The following KIF21B variants were observed in gnomAD, a reference collection of about 807,000 sequenced individuals.
KIF21B encodes kinesin-like protein KIF21B.
Under a neutral mutation model 192.9 loss-of-function variants are expected in KIF21B, and 85 were observed. The observed-to-expected ratio is 0.44, with a 90% confidence interval of 0.37 to 0.53. The LOEUF (loss-of-function observed/expected upper bound fraction) is 0.53. KIF21B is among the 20% of genes least tolerant of loss of function. The probability of loss-of-function intolerance (pLI) is 0.00; values close to 1 mark genes in which losing one functional copy is unlikely to be tolerated. For synonymous variants in KIF21B, 832 were observed against 884.6 expected (o/e 0.94, Z 1.05); for missense variants, 1,716 against 2,194.8 (o/e 0.78, Z 4.36).
Position 200,988,555 on chromosome 1 carries a change from G to C in KIF21B, c.3299-11C>G. 1 of 1,554,080 alleles carries C rather than the reference G, an allele frequency of 6.4e-7. No individual in the cohort carries two copies. Among genetic ancestry groups the C allele is most frequent in the Non-Finnish European group, 8.8e-7 (1 of 1,140,316 alleles). ...TGGCGTAGCCATTCTCTGTGGGAGG[G>C]CGGGAGGGAGGGAAAGGGGTTGAGA... On this transcript the variant is annotated splice_polypyrimidine_tract_variant and intron_variant, in intron 22 of 34. Coordinates refer to ENST00000461742, the MANE Select transcript of KIF21B (RefSeq NM_001252102.2).
chr1:201,021,622 C>A (rs1418114676), intron 1 of KIF21B, among the ~76,000 whole-genome samples: 1 of 152,202 alleles, frequency 6.6e-6, no homozygotes, highest in Non-Finnish European at 1.5e-5. Context: ...TGTGCCAATC[C>A]CATGAGGCTC....
Position 200,996,182 on chromosome 1 carries a change from C to A in KIF21B, c.2277+14G>T. On this transcript the variant is annotated intron_variant, in intron 15 of 34. Transcript: ENST00000461742. ...GGCACTCCAGGCCCCACTCCTCACACCCTCGGCCCCTACCTTGGCCTTCTT... is the reference window on the plus strand; with the variant it reads ...GGCACTCCAGGCCCCACTCCTCACAACCTCGGCCCCTACCTTGGCCTTCTT... 1.2e-6 allele frequency: 2 copies of A among 1,612,290 alleles called. No individual in the cohort carries two copies. Among genetic ancestry groups the A allele is most frequent in the Non-Finnish European group, 1.7e-6 (2 of 1,179,830 alleles).
In KIF21B at chr1:201,009,323, G is replaced by C; in HGVS notation, c.207C>G (p.Ser69Arg). 1 of 1,614,284 alleles carries C rather than the reference G, an allele frequency of 6.2e-7. No homozygotes were observed. The highest frequency in any genetic ancestry group is 8.5e-7 in the Non-Finnish European group (1 of 1,180,054). ...WQEQIYSTCV[S>R]KLIEGCFEGY... Reference sequence around the variant, plus strand: ...CCTCGAAGCAGCCCTCGATGAGCTTGCTCACACAGGTGGAATAGATCTGTT... The same window carrying C: ...CCTCGAAGCAGCCCTCGATGAGCTTCCTCACACAGGTGGAATAGATCTGTT... The change falls in exon 2 of 35, where the codon AGC becomes AGG. Residue 69 changes from serine (S) to arginine (R), a missense_variant. Ser to Arg is a moderately radical substitution (Grantham distance 110). Transcript: ENST00000461742.
chr1:201,000,702 A>AGCTC lies in KIF21B; in HGVS notation c.1466+11_1466+14dup. ...CCCCCAGCCCGCGCACACCTGCCGG[A>AGCTC]GCTCACTCACTCACCGTAGCTCCTC... is the stretch of plus-strand genomic sequence containing the variant. On this transcript the variant is annotated intron_variant, in intron 10 of 34. Transcript: ENST00000461742. This position sits in a 1 kb window ranked among gnomAD's most constrained non-coding sequence, Gnocchi z 6.0. 6.2e-7 allele frequency: 1 copy of AGCTC among 1,614,106 alleles called. No homozygotes were observed. The highest frequency in any genetic ancestry group is 8.5e-7 in the Non-Finnish European group (1 of 1,179,990).
chr1:200,978,403 C>T (rs1403975093), intron 30 of KIF21B, among the ~76,000 whole-genome samples: 1 of 151,202 alleles, frequency 6.6e-6, no homozygotes, highest in Non-Finnish European at 1.5e-5. Flanking sequence ...CAGTTTTAGG[C>T]TCACAAGAAA....
chr1:200,998,652 A>G lies in KIF21B; in HGVS notation c.1886-77T>C. ...GGGAGCAGATGTGCCAGTGCTGGGG[A>G]GCTGGGACCCTCCTTTGGTCAGCCA... is the stretch of plus-strand genomic sequence containing the variant. On this transcript the variant is annotated intron_variant, in intron 13 of 34. Coordinates refer to ENST00000461742, the MANE Select transcript of KIF21B (RefSeq NM_001252102.2). The surrounding 1 kb of genome is among the most constrained non-coding windows in gnomAD (Gnocchi z 4.3). The G allele has an allele frequency of 7.4e-7, 1 of 1,350,296 alleles. No homozygotes were observed. The highest frequency in any genetic ancestry group is 1.0e-6 in the Non-Finnish European group (1 of 965,490). The allele number at this position is 1,350,296 out of a possible 1,614,324, so 83.6% of individuals were successfully genotyped here.
chr1:201,002,189 C>G lies in KIF21B; in HGVS notation c.1374G>C (p.Gln458His). ...CCTTGGCTAGCAGCAGGTTGGCCTC[C>G]TGGCTCATGAGCTGGGTGACGCGGT... ...INNRVTQLMSQEANLLLAKAG... is the reference protein window; with the variant it reads ...INNRVTQLMSHEANLLLAKAG... Residue 458 changes from glutamine to histidine, a missense_variant, in exon 9 of 35, where the codon CAG (glutamine) becomes CAC (histidine). Physicochemically the swap from Gln to His is conservative, Grantham distance 24. Transcript: ENST00000461742. 6.2e-7 allele frequency: 1 copy of G among 1,614,190 alleles called. No homozygotes were observed. Among genetic ancestry groups the G allele is most frequent in the South Asian group, 1.1e-5 (1 of 91,086 alleles).
At chr1:201,013,736 G>T (rs1658355181) in intron 1 of KIF21B, among the ~76,000 whole-genome samples, 1 of 152,170 alleles carries the variant, frequency 6.6e-6, no homozygotes, top group South Asian at 2.1e-4. Context: ...TTGACCCTCA[G>T]TACAAAATTT....
chr1:201,008,989 C>G, intron 2 of KIF21B, 38 bp from the exon 3 acceptor site: 1 of 1,567,576 alleles, frequency 6.4e-7, no homozygotes, highest in Non-Finnish European at 8.6e-7. Flanking sequence ...ACCCTGCACC[C>G]TTTGGGGGCA....
intron 34 of KIF21B, chr1:200,973,953 C>T (rs1334776116): frequency 6.5e-7 from 1 of 1,536,614 alleles, no homozygotes; most frequent in Non-Finnish European, 8.8e-7. Flanking sequence ...CTCTCTAGGC[C>T]AGGCAGGACA....
At chr1:200,979,451 GA>G (rs1201256009) in intron 30 of KIF21B, 83 bp downstream of exon 30, 21 of 1,108,446 alleles carry the variant, frequency 1.9e-5, no homozygotes, top group Non-Finnish European at 2.2e-5. Flanking sequence ...GTGCTGTGCT[GA>G]GTGGGTCACT....
chr1:201,003,824 C>T lies in KIF21B; in HGVS notation c.1017-43G>A, dbSNP rs764152503. 4 of 1,602,498 alleles carry T rather than the reference C, an allele frequency of 2.5e-6. No homozygotes were observed. The South Asian group carries it at 3.3e-5, about 13-fold the overall frequency. On this transcript the variant is annotated intron_variant, in intron 7 of 34. Transcript: ENST00000461742. The stretch of plus-strand genomic sequence containing the variant: ...CTGTTGTGAGGGTGAGGGACACAGC[C>T]AGCCCCCAGAAGCATTGCCTCAGGG...
chr1:200,993,743 CTGCCT>C (rs1348582172), intron 15 of KIF21B, among the ~76,000 whole-genome samples: 1 of 147,868 alleles, frequency 6.8e-6, no homozygotes, highest in Admixed American at 6.9e-5. Flanking sequence ...GAGCAAGACT[CTGCCT>C]TTAAAACAAA....
chr1:200,973,850 C>T (rs1655364213), intron 34 of KIF21B: 2 of 1,438,866 alleles, frequency 1.4e-6, no homozygotes, highest in Non-Finnish European at 1.8e-6. Flanking sequence ...CTGAAGGCTC[C>T]CCCTTCTGCT....
Position 201,023,302 on chromosome 1 carries a change from A to G in KIF21B, c.41+41T>C. On this transcript the variant is annotated intron_variant, in intron 1 of 34. Transcript: ENST00000461742. The surrounding 1 kb of genome is among the most constrained non-coding windows in gnomAD (Gnocchi z 5.9). ...CAAAGCCCACGCGAGACAAAGCCCG[A>G]GGCTTCTCCGCGCGCCCCCTTCCCC... 1.3e-6 allele frequency: 2 copies of G among 1,500,034 alleles called. No individual in the cohort carries two copies. The highest frequency in any genetic ancestry group is 8.9e-7 in the Non-Finnish European group (1 of 1,118,630). The allele number at this position is 1,500,034 out of a possible 1,614,324, so 92.9% of individuals were successfully genotyped here. A position where few individuals can be genotyped will look rare whatever the true frequency, so the allele number is the denominator to read the frequency against.
At position 200,999,861 on chromosome 1, in the gene KIF21B, T is replaced by C. The variant is rs571686275; in HGVS notation, c.1767+22A>G. 1.2e-5 allele frequency: 20 copies of C among 1,612,154 alleles called. No individual in the cohort carries two copies. The East Asian group carries it at 4.0e-4, about 32-fold the overall frequency. ...GACACAAGGCATGCATGTGGTGAGG[T>C]GGGGCGGCCCGTGCTCCTCACCTCC... is the stretch of plus-strand genomic sequence containing the variant. On this transcript the variant is annotated intron_variant, in intron 12 of 34. Coordinates refer to ENST00000461742, the MANE Select transcript of KIF21B (RefSeq NM_001252102.2). The surrounding 1 kb of genome is among the most constrained non-coding windows in gnomAD (Gnocchi z 4.7).
intron 3 of KIF21B, among the ~76,000 whole-genome samples, chr1:201,006,462 CT>C (rs981013747): frequency 3.3e-5 from 5 of 152,136 alleles, no homozygotes; most frequent in African/African-American, 1.2e-4. Context: ...CAAGAAAATG[CT>C]GTGGGACTAA....
rs1656750267 is a variant in KIF21B, at chr1:200,992,290, G to A, written c.2377C>T (p.Arg793Ter). The A allele has an allele frequency of 1.9e-6, 3 of 1,611,628 alleles. No homozygotes were observed. Among genetic ancestry groups the A allele is most frequent in the Non-Finnish European group, 2.5e-6 (3 of 1,179,976 alleles). Residue 793 changes from arginine to a stop codon, truncating the protein, a stop_gained, in exon 16 of 35, where the codon CGA becomes TGA. Coordinates refer to ENST00000461742, the MANE Select transcript of KIF21B (RefSeq NM_001252102.2). LOFTEE classifies it high-confidence loss of function. ...EIAQLKKEQR[R>*]QEFQIRALES... Reference sequence around the variant, plus strand: ...CAAGGGCCACCCCTCACCTCCTGTCGCCGCTGCTCCTTCTTGAGCTGTGCG... The same window carrying A: ...CAAGGGCCACCCCTCACCTCCTGTCACCGCTGCTCCTTCTTGAGCTGTGCG...
chr1:200,981,398 G>A (rs1276910386), intron 28 of KIF21B, among the ~76,000 whole-genome samples: 2 of 152,216 alleles, frequency 1.3e-5, no homozygotes, highest in Non-Finnish European at 2.9e-5. Context: ...TCCACAGAGA[G>A]TTCCTATCTG....
Sources: gnomAD v4.1 joint callset for allele counts (sites outside exome capture counted in the v4.1 genomes callset) on GRCh38, gnomAD v4.1.1 for gene constraint, Gnocchi (gnomAD v3.1) non-coding constraint, MANE v1.5 for transcripts, NCBI Gene and HGNC (gene_info 2026-07-23, HGNC 2026-07-21) for gene names.